THSD7B: variants seen among roughly 807,000 people sequenced by gnomAD.
THSD7B encodes the protein thrombospondin type-1 domain-containing protein 7B.
In THSD7B, 138 loss-of-function variants were observed where a neutral mutation model predicts 213.6. The observed-to-expected ratio is 0.65, with a 90% confidence interval of 0.56 to 0.74. The LOEUF is 0.74. Among genes scored for constraint, THSD7B ranks in the 30% least tolerant of loss-of-function variants. The probability of loss-of-function intolerance (pLI) is 0.00; values close to 1 mark genes in which losing one functional copy is unlikely to be tolerated. For missense variants in THSD7B, 1,931 were observed against 1,991.5 expected, an observed-to-expected ratio of 0.97 and a Z score of 0.58; for synonymous variants, 742 against 687.0, an observed-to-expected ratio of 1.08 and a Z score of -1.25.
At chr2:137,525,859 T>C (rs2105172881) in intron 15 of THSD7B, among the ~76,000 whole-genome samples, 1 of 152,246 alleles carries the variant, frequency 6.6e-6, no homozygotes, top group Admixed American at 6.5e-5. Context: ...TCTCTTAATG[T>C]AGTCATACAT....
At chr2:136,842,523 A>G (rs571118487) in intron 1 of THSD7B, among the ~76,000 whole-genome samples, 57 of 152,360 alleles carry the variant, frequency 3.7e-4, no homozygotes, top group African/African-American at 1.3e-3. Context: ...TTTCAGGGAA[A>G]ACAGGATAAT....
At chr2:137,333,785 C>T (rs989319976) in intron 12 of THSD7B, among the ~76,000 whole-genome samples, 1 of 152,116 alleles carries the variant, frequency 6.6e-6, no homozygotes, top group Non-Finnish European at 1.5e-5. Flanking sequence ...ATTTTTAGTC[C>T]TGGTCTCCTC....
chr2:136,894,683 C>A (rs1319783698), intron 2 of THSD7B, among the ~76,000 whole-genome samples: 1 of 152,162 alleles, frequency 6.6e-6, no homozygotes, highest in Non-Finnish European at 1.5e-5. Context: ...GGCCCTCCAC[C>A]TTCTGACACG....
chr2:136,942,572 T>C (rs1199801772), intron 2 of THSD7B, among the ~76,000 whole-genome samples: 1 of 152,194 alleles, frequency 6.6e-6, no homozygotes, highest in Non-Finnish European at 1.5e-5. Flanking sequence ...TCACCTCCCT[T>C]GTAAGTTGGA....
At chr2:137,488,617 T>G (rs1324902763) in intron 15 of THSD7B, among the ~76,000 whole-genome samples, 4 of 152,204 alleles carry the variant, frequency 2.6e-5, no homozygotes, top group Non-Finnish European at 4.4e-5. Flanking sequence ...TCACTGTCTT[T>G]CTCTTCCTTC....
rs570383205 is a variant in THSD7B, at chr2:137,621,567, G to A, written c.3799+841G>A. ...ACAGAGGTGGCATTCCAGTCATTAG[G>A]CTGAAGTAGGGATCAAGACATGGGC... On this transcript the variant is annotated intron_variant, in intron 20 of 27. Transcript: ENST00000409968. 2.0e-5 allele frequency among the ~76,000 whole-genome samples: 3 copies of A among 152,324 alleles called. No individual in the cohort carries two copies. The South Asian group carries it at 6.2e-4, about 32-fold the overall frequency.
intron 7 of THSD7B, among the ~76,000 whole-genome samples, chr2:137,203,450 T>A (rs1680918496): frequency 6.6e-6 from 1 of 152,124 alleles, no homozygotes; most frequent in African/African-American, 2.4e-5. Flanking sequence ...TAATGATAAA[T>A]ACTTTCTAAT....
intron 1 of THSD7B, among the ~76,000 whole-genome samples, chr2:136,786,399 T>C (rs1397151942): frequency 6.6e-6 from 1 of 152,192 alleles, no homozygotes; most frequent in African/African-American, 2.4e-5. Context: ...GTATTGTTTC[T>C]GCTTGTTATG....
chr2:137,271,892 A>G (rs540308629), intron 10 of THSD7B, among the ~76,000 whole-genome samples: 2 of 152,128 alleles, frequency 1.3e-5, no homozygotes, highest in Non-Finnish European at 2.9e-5. Flanking sequence ...ATTAAAGTGA[A>G]CATCAGTTGT....
At chr2:137,190,157 G>T (rs1680629055) in intron 7 of THSD7B, among the ~76,000 whole-genome samples, 1 of 152,174 alleles carries the variant, frequency 6.6e-6, no homozygotes, top group Non-Finnish European at 1.5e-5. Flanking sequence ...ACTAACTAGA[G>T]AATTTCTGCT....
intron 12 of THSD7B, among the ~76,000 whole-genome samples, chr2:137,376,159 T>C (rs1685649997): frequency 6.6e-6 from 1 of 152,248 alleles, no homozygotes; most frequent in African/African-American, 2.4e-5. Context: ...GGGTTTTACA[T>C]TCCATTTGTT....
intron 14 of THSD7B, among the ~76,000 whole-genome samples, chr2:137,429,478 A>G (rs1404061775): frequency 6.6e-6 from 1 of 152,200 alleles, no homozygotes; most frequent in Non-Finnish European, 1.5e-5. Flanking sequence ...ACACATTCAC[A>G]CACATTTATA....
At chr2:137,332,894 T>A (rs1420111445) in intron 12 of THSD7B, among the ~76,000 whole-genome samples, 1 of 152,212 alleles carries the variant, frequency 6.6e-6, no homozygotes, top group Non-Finnish European at 1.5e-5. Context: ...GTGAGTCAAT[T>A]AAACCTATTT....
At chr2:137,031,158 A>C (rs1055579233) in intron 2 of THSD7B, among the ~76,000 whole-genome samples, 4 of 152,048 alleles carry the variant, frequency 2.6e-5, no homozygotes, top group African/African-American at 9.7e-5. Context: ...AGCCTGGCCA[A>C]CATGGTGAAA....
At chr2:137,198,408 T>C (rs1015463468) in intron 7 of THSD7B, among the ~76,000 whole-genome samples, 14 of 152,160 alleles carry the variant, frequency 9.2e-5, no homozygotes, top group African/African-American at 3.4e-4. Flanking sequence ...TTAATAAAAA[T>C]CTGCTTCAGG....
chr2:137,392,775 A>G (rs1296651008), intron 12 of THSD7B, among the ~76,000 whole-genome samples: 1 of 152,082 alleles, frequency 6.6e-6, no homozygotes, highest in Admixed American at 6.6e-5. Context: ...AATTTAATCT[A>G]TTTACATTCA....
At chr2:137,191,305 T>C (rs1452027905) in intron 7 of THSD7B, among the ~76,000 whole-genome samples, 2 of 152,230 alleles carry the variant, frequency 1.3e-5, no homozygotes, top group Non-Finnish European at 1.5e-5. Context: ...GATGTCATTG[T>C]GTTTCTTTTA....
intron 17 of THSD7B, among the ~76,000 whole-genome samples, chr2:137,576,900 A>G (rs891653724): frequency 1.3e-5 from 2 of 151,436 alleles, no homozygotes; most frequent in African/African-American, 4.9e-5. Flanking sequence ...CCTTGGCATC[A>G]CCTGTGTAAA....
chr2:137,194,162 T>C (rs1210623446), intron 7 of THSD7B, among the ~76,000 whole-genome samples: 1 of 152,184 alleles, frequency 6.6e-6, no homozygotes, highest in African/African-American at 2.4e-5. Flanking sequence ...AAAACCCATC[T>C]TCCAATAACA....
Sources: allele counts gnomAD v4.1 joint callset (sites outside exome capture counted in the v4.1 genomes callset), GRCh38; gene constraint gnomAD v4.1.1; transcripts MANE v1.5; gene names NCBI Gene and HGNC (gene_info 2026-07-23, HGNC 2026-07-21).